NSMAF: variants seen among roughly 807,000 people sequenced by gnomAD.
NSMAF encodes neutral sphingomyelinase activation associated factor.
A neutral mutation model predicts 134.9 loss-of-function variants in NSMAF; 90 were observed. The ratio of observed to expected loss-of-function variants is 0.67; its 90% CI spans 0.56 to 0.79. NSMAF has a LOEUF of 0.79. Among genes scored for constraint, NSMAF ranks in the 30% least tolerant of loss-of-function variants. The pLI is 0.00. For synonymous variants in NSMAF, 358 were observed against 389.6 expected (o/e 0.92, Z 0.96); for missense variants, 1,010 against 1,119.0 (o/e 0.90, Z 1.39).
chr8:58,603,392 G>A lies in NSMAF; in HGVS notation c.869-6C>T, dbSNP rs1806332538. 6.2e-7 allele frequency: 1 copy of A among 1,612,944 alleles called. No individual in the cohort carries two copies. Among genetic ancestry groups the A allele is most frequent in the Admixed American group, 1.7e-5 (1 of 59,982 alleles). Reference sequence around the variant, plus strand: ...GTGCTCCGCCACATGGTGCTCTGGGGGAAGAGGACCCACGAGGTCTGCCAC... The same window carrying A: ...GTGCTCCGCCACATGGTGCTCTGGGAGAAGAGGACCCACGAGGTCTGCCAC... On this transcript the variant is annotated splice_region_variant and splice_polypyrimidine_tract_variant and intron_variant, in intron 12 of 30. Coordinates refer to ENST00000038176, the MANE Select transcript of NSMAF (RefSeq NM_003580.4).
rs1807201914 is a variant in NSMAF at position 58,637,442 on chromosome 8, C to G, written c.150-1896G>C. 3 of 455,882 alleles carry G rather than the reference C, an allele frequency of 6.6e-6. No individual in the cohort carries two copies. The East Asian group carries it at 2.1e-4, about 32-fold the overall frequency. 28.2% of individuals were successfully genotyped at this position (455,882 alleles called of 1,614,324 possible). Reference sequence around the variant, plus strand: ...CTGTCATTTAAAGAGAAAAGCAACACAAAGGTGCCCACTCTTACCACTACT... The same window carrying G: ...CTGTCATTTAAAGAGAAAAGCAACAGAAAGGTGCCCACTCTTACCACTACT... On this transcript the variant is annotated intron_variant, in intron 2 of 30. Transcript: ENST00000038176.
At chr8:58,598,490 CAA>C (rs71250204) in intron 19 of NSMAF, among the ~76,000 whole-genome samples, 338 of 125,894 alleles carry the variant, frequency 2.7e-3, no homozygotes, top group African/African-American at 9.8e-3. Context: ...CTGTCTCAAA[CAA>C]AAAAAAAAAA....
intron 23 of NSMAF, among the ~76,000 whole-genome samples, chr8:58,593,184 C>T (rs774680892): frequency 1.3e-5 from 2 of 152,190 alleles, no homozygotes; most frequent in Non-Finnish European, 2.9e-5. Context: ...ATACAGATTG[C>T]TTCCTTCTAT....
intron 6 of NSMAF, among the ~76,000 whole-genome samples, chr8:58,626,414 C>G (rs1285084356): frequency 6.6e-6 from 1 of 152,112 alleles, no homozygotes; most frequent in Non-Finnish European, 1.5e-5. Flanking sequence ...ATTCTTATGT[C>G]TTTGCATTCT....
chr8:58,647,170 A>G (rs907596636), intron 1 of NSMAF, among the ~76,000 whole-genome samples: 1 of 152,242 alleles, frequency 6.6e-6, no homozygotes, highest in African/African-American at 2.4e-5. Context: ...CTGTGATGCC[A>G]TGACACTTTC....
chr8:58,617,249 G>T (rs201798213), intron 9 of NSMAF, among the ~76,000 whole-genome samples: 1 of 152,130 alleles, frequency 6.6e-6, no homozygotes, highest in African/African-American at 2.4e-5. Flanking sequence ...CATAGGCATG[G>T]GCAAGGACTT....
Position 58,659,814 on chromosome 8 carries a change from T to C in NSMAF, c.-183A>G. ...GCCCGACGCGGCGTCCCGGCCGCGC[T>C]CACCGCAGCATCCTCGCGTGGGGAC... On this transcript the variant is annotated 5_prime_UTR_variant, in exon 1 of 31. It removes the in-frame stop codon of an upstream open reading frame in the 5' UTR. Transcript: ENST00000038176. 1 of 310,934 alleles carries C rather than the reference T, an allele frequency of 3.2e-6. No homozygotes were observed. The allele number at this position is 310,934 out of a possible 1,614,324, so 19.3% of individuals were successfully genotyped here.
rs549423691 is a variant in NSMAF at position 58,652,339 on chromosome 8, T to C, written c.59+7234A>G. On this transcript the variant is annotated intron_variant, in intron 1 of 30. Transcript: ENST00000038176. ...AAGTTTCAGGGAAAACTGCTATGAT[T>C]GTGTTTAAGGCAATCAAACCTCATC... is the stretch of plus-strand genomic sequence containing the variant. Among the ~76,000 whole-genome samples, 39 of 152,264 alleles carry C rather than the reference T, an allele frequency of 2.6e-4. No individual in the cohort carries two copies. In the South Asian group the frequency reaches 7.9e-3, roughly 31 times the overall value.
intron 16 of NSMAF, 91 bp from the exon 17 acceptor site, chr8:58,600,112 C>A: frequency 1.1e-6 from 1 of 876,664 alleles, no homozygotes; most frequent in South Asian, 1.5e-5. Context: ...CTACACTTTA[C>A]CTGTATTAAC....
At chr8:58,601,927 T>C (rs751042465) in intron 14 of NSMAF, 131 bp downstream of exon 14, 39 of 685,462 alleles carry the variant, frequency 5.7e-5, no homozygotes, top group Non-Finnish European at 9.0e-5. Flanking sequence ...AGGAGAAAAG[T>C]AAGAAAAAAC....
intron 21 of NSMAF, among the ~76,000 whole-genome samples, chr8:58,596,186 C>T (rs1806131656): frequency 6.6e-6 from 1 of 152,188 alleles, no homozygotes; most frequent in South Asian, 2.1e-4. Flanking sequence ...CAGTTTGAAA[C>T]AGCATCACAA....
chr8:58,588,555 C>T lies in NSMAF; in HGVS notation c.2212-854G>A, dbSNP rs1047724181. ...TTGCACAACTCACACAGTAATGTAG[C>T]TTCACATACAGCTTGGGAAGCAAAT... On this transcript the variant is annotated intron_variant, in intron 26 of 30. Coordinates refer to ENST00000038176, the MANE Select transcript of NSMAF (RefSeq NM_003580.4). The T allele has an allele frequency of 4.0e-6, 5 of 1,239,462 alleles. 1 individual carries two copies. Among genetic ancestry groups the T allele is most frequent in the Non-Finnish European group, 5.9e-6 (5 of 854,136 alleles). 76.8% of individuals were successfully genotyped at this position (1,239,462 alleles called of 1,614,324 possible).
At chr8:58,657,148 C>A (rs1274170062) in intron 1 of NSMAF, among the ~76,000 whole-genome samples, 1 of 152,194 alleles carries the variant, frequency 6.6e-6, no homozygotes, top group Non-Finnish European at 1.5e-5. Context: ...TATTCTGCCA[C>A]CACCTTGGTT....
chr8:58,603,165 C>T, intron 13 of NSMAF, 45 bp downstream of exon 13: 1 of 1,550,780 alleles, frequency 6.4e-7, no homozygotes, highest in Non-Finnish European at 8.9e-7. Context: ...ATACAGATGA[C>T]TACTCCCCAC....
At chr8:58,617,449 C>G (rs1222499841) in intron 9 of NSMAF, among the ~76,000 whole-genome samples, 1 of 151,950 alleles carries the variant, frequency 6.6e-6, no homozygotes, top group Non-Finnish European at 1.5e-5. Context: ...ACAAAGAACT[C>G]AAACAAATTT....
intron 2 of NSMAF, among the ~76,000 whole-genome samples, chr8:58,637,906 G>A (rs1010519937): frequency 6.6e-6 from 1 of 152,136 alleles, no homozygotes; most frequent in Non-Finnish European, 1.5e-5. Context: ...AATTAATACT[G>A]CTAAAATGTC....
At chr8:58,600,274 A>T (rs906003191) in intron 16 of NSMAF, 12 of 470,928 alleles carry the variant, frequency 2.5e-5, no homozygotes, top group Non-Finnish European at 4.5e-5. Flanking sequence ...ATTAGCTACC[A>T]TATACACATT....
At chr8:58,643,207 A>C in intron 1 of NSMAF, 134 bp from the exon 2 acceptor site, 6 of 688,226 alleles carry the variant, frequency 8.7e-6, no homozygotes, top group Non-Finnish European at 1.0e-5. Flanking sequence ...CATGTATATC[A>C]TGCCAGGCAG....
intron 22 of NSMAF, 198 bp from the exon 23 acceptor site, chr8:58,594,488 C>T (rs1806091074): frequency 3.5e-6 from 2 of 574,494 alleles, no homozygotes; most frequent in Non-Finnish European, 6.2e-6. Flanking sequence ...ACGCCTGTGG[C>T]TAGAAAACAT....
Sources: gnomAD v4.1 joint callset for allele counts (sites outside exome capture counted in the v4.1 genomes callset) on GRCh38, gnomAD v4.1.1 for gene constraint, MANE v1.5 for transcripts, NCBI Gene and HGNC (gene_info 2026-07-23, HGNC 2026-07-21) for gene names.